Variants in ZBTB5 observed in about 807,000 individuals in gnomAD.
ZBTB5 encodes the protein zinc finger and BTB domain-containing protein 5.
In ZBTB5, 15 loss-of-function variants were observed where a neutral mutation model predicts 37.9. The observed-to-expected ratio is 0.40, with a 90% CI of 0.26 to 0.61. ZBTB5 has a LOEUF of 0.61. Among genes scored for constraint, ZBTB5 ranks in the 20% least tolerant of loss-of-function variants. The probability of loss-of-function intolerance (pLI) is 0.47; values close to 1 mark genes in which losing one functional copy is unlikely to be tolerated. For synonymous variants in ZBTB5, 315 were observed against 312.4 expected, an observed-to-expected ratio of 1.01 and a Z score of -0.09; for missense variants, 708 against 856.8, an observed-to-expected ratio of 0.83 and a Z score of 2.17.
At position 37,442,216 on chromosome 9, in the gene ZBTB5, A is replaced by C. The variant is rs1220818317; in HGVS notation, c.336T>G (p.Val112=). ...AASHLHLNSV[V]KACKHYLTTR... ...TCGTTAAGTAATGTTTACATGCCTT[A>C]ACAACAGAGTTCAAATGCAGGTGAG... Residue 112 remains valine, a synonymous_variant, in exon 2 of 2, where the codon GTT becomes GTG. Transcript: ENST00000307750. The C allele has an allele frequency of 1.2e-6, 2 of 1,614,260 alleles. No individual in the cohort carries two copies. The highest frequency in any genetic ancestry group is 3.3e-5 in the Admixed American group (2 of 60,034).
chr9:37,465,061 G>A (rs1382467164), intron 1 of ZBTB5, among the ~76,000 whole-genome samples, 154 bp downstream of exon 1: 1 of 152,180 alleles, frequency 6.6e-6, no homozygotes, highest in Non-Finnish European at 1.5e-5. Flanking sequence ...GGCTCCAACG[G>A]TAACAATGCT....
Position 37,438,570 on chromosome 9 carries a change from A to T in ZBTB5, c.*1948T>A, listed in dbSNP as rs1439688008. 1 of 151,998 alleles carries T rather than the reference A, an allele frequency of 6.6e-6. No homozygotes were observed. The highest frequency in any genetic ancestry group is 2.4e-5 in the African/African-American group (1 of 41,366). 9.4% of individuals were successfully genotyped at this position (151,998 alleles called of 1,614,324 possible). ...GGTAAGCGGGCAGGCTCCTGGCACCACCTCCTCCAAATGGAAGGGAAGGAG... is the reference window on the plus strand; with the variant it reads ...GGTAAGCGGGCAGGCTCCTGGCACCTCCTCCTCCAAATGGAAGGGAAGGAG... On this transcript the variant is annotated 3_prime_UTR_variant, in exon 2 of 2. Transcript: ENST00000307750.
intron 1 of ZBTB5, among the ~76,000 whole-genome samples, chr9:37,453,084 T>C (rs945015951): frequency 2.0e-5 from 3 of 152,210 alleles, no homozygotes; most frequent in Non-Finnish European, 4.4e-5. Flanking sequence ...TTACATCATA[T>C]AGGTTGCACT....
chr9:37,445,789 C>A (rs1016307342), intron 1 of ZBTB5, among the ~76,000 whole-genome samples: 6 of 152,028 alleles, frequency 3.9e-5, no homozygotes, highest in African/African-American at 1.4e-4. Flanking sequence ...GTTTTTGTTT[C>A]TTTTTACCTA....
In ZBTB5 at chr9:37,441,042, T is replaced by TC; in HGVS notation, c.1509dup (p.Met504AspfsTer28). 1 of 1,614,120 alleles carries TC rather than the reference T, an allele frequency of 6.2e-7. No individual in the cohort carries two copies. Among genetic ancestry groups the TC allele is most frequent in the Non-Finnish European group, 8.5e-7 (1 of 1,180,012 alleles). On this transcript the variant is annotated frameshift_variant, in exon 2 of 2. Transcript: ENST00000307750. LOFTEE classifies it high-confidence loss of function. ...CCCAAACCAGACCTGGAAAAGTCCA[T>TC]CCCAAACTGTTCTCCTCCTTGGTAG...
At chr9:37,459,390 G>A (rs1417404569) in intron 1 of ZBTB5, among the ~76,000 whole-genome samples, 1 of 151,798 alleles carries the variant, frequency 6.6e-6, no homozygotes, top group Admixed American at 6.6e-5. Flanking sequence ...AACCTGGGAG[G>A]CAGAGGTTGC....
chr9:37,446,700 C>A (rs964604554), intron 1 of ZBTB5, among the ~76,000 whole-genome samples: 2 of 152,204 alleles, frequency 1.3e-5, no homozygotes, highest in Non-Finnish European at 2.9e-5. Flanking sequence ...ACACACATCC[C>A]GGGTCCCCAC....
intron 1 of ZBTB5, among the ~76,000 whole-genome samples, chr9:37,449,958 T>A (rs967002090): frequency 2.6e-5 from 4 of 151,946 alleles, no homozygotes; most frequent in Non-Finnish European, 5.9e-5. Context: ...CAGCAGACAA[T>A]GGGGCAGGCC....
At chr9:37,447,797 C>A (rs1209065698) in intron 1 of ZBTB5, among the ~76,000 whole-genome samples, 1 of 150,614 alleles carries the variant, frequency 6.6e-6, no homozygotes, top group East Asian at 1.9e-4. Context: ...TAATATTCTG[C>A]TCAATGCTTC....
At chr9:37,458,435 G>A (rs1200187194) in intron 1 of ZBTB5, among the ~76,000 whole-genome samples, 1 of 152,180 alleles carries the variant, frequency 6.6e-6, no homozygotes, top group Admixed American at 6.5e-5. Flanking sequence ...TTTCTCATGG[G>A]ACACTATTTT....
rs1397206738 is a variant in ZBTB5 at position 37,441,178 on chromosome 9, G to A, written c.1374C>T (p.Pro458=). The part of the protein sequence containing the change: ...LSPEAGPAGG[P]SSAPGSHVEN... ...CTACATGGGAGCCAGGGGCAGAGGA[G>A]GGCCCACCTGCAGGCCCAGCCTCTG... The change falls in exon 2 of 2, where the codon CCC becomes CCT. Residue 458 remains proline (P), a synonymous_variant. Transcript: ENST00000307750. 1 of 1,614,016 alleles carries A rather than the reference G, an allele frequency of 6.2e-7. No individual in the cohort carries two copies. The highest frequency in any genetic ancestry group is 2.2e-5 in the East Asian group (1 of 44,874).
chr9:37,440,215 C>A lies in ZBTB5; in HGVS notation c.*303G>T. 1 of 332,666 alleles carries A rather than the reference C, an allele frequency of 3.0e-6. No individual in the cohort carries two copies. Among genetic ancestry groups the A allele is most frequent in the Non-Finnish European group, 5.5e-6 (1 of 180,746 alleles). The allele number at this position is 332,666 out of a possible 1,614,324, so 20.6% of individuals were successfully genotyped here. On this transcript the variant is annotated 3_prime_UTR_variant, in exon 2 of 2. Transcript: ENST00000307750. ...AAAAATTGCTAAAAAATTTTTTTTG[C>A]ACTTCAATTTTTAAATTTTTAAATG... is the stretch of plus-strand genomic sequence containing the variant.
intron 1 of ZBTB5, among the ~76,000 whole-genome samples, chr9:37,458,053 G>A (rs1824224741): frequency 6.6e-6 from 1 of 152,178 alleles, no homozygotes; most frequent in Non-Finnish European, 1.5e-5. Flanking sequence ...GTCATTGGTT[G>A]CAGCAACAAA....
At chr9:37,458,338 C>G (rs1216061107) in intron 1 of ZBTB5, among the ~76,000 whole-genome samples, 1 of 152,176 alleles carries the variant, frequency 6.6e-6, no homozygotes, top group East Asian at 1.9e-4. Context: ...GGGAAGTACA[C>G]CTGAAGTTTT....
chr9:37,450,194 T>C lies in ZBTB5; in HGVS notation c.-4-7639A>G, dbSNP rs1470991943. Among the ~76,000 whole-genome samples the C allele has an allele frequency of 2.0e-5, 3 of 152,300 alleles. No homozygotes were observed. In the South Asian group the frequency reaches 6.2e-4, roughly 32 times the overall value. ...AGAGAGAGCTGTTTTCCTTTCTCTTTGTTTCTTTCTTTGGCCTATTAAACC... is the reference window on the plus strand; with the variant it reads ...AGAGAGAGCTGTTTTCCTTTCTCTTCGTTTCTTTCTTTGGCCTATTAAACC... On this transcript the variant is annotated intron_variant, in intron 1 of 1. Transcript: ENST00000307750.
intron 1 of ZBTB5, among the ~76,000 whole-genome samples, chr9:37,455,804 G>A (rs1205589732): frequency 1.3e-5 from 2 of 152,034 alleles, no homozygotes; most frequent in East Asian, 3.9e-4. Context: ...AAGTCAGAGA[G>A]CAGAACAAAG....
chr9:37,442,270 G>A lies in ZBTB5; in HGVS notation c.282C>T (p.Ser94=), dbSNP rs2118933699. Residue 94 remains serine, a synonymous_variant, in exon 2 of 2, where the codon AGC becomes AGT. Coordinates refer to ENST00000307750, the MANE Select transcript of ZBTB5 (RefSeq NM_014872.3). Reference sequence around the variant, plus strand: ...CTGCCAATAAGACATCCATTACATTGCTCTCCCCCAGCATGAGGGTGGAGG... The same window carrying A: ...CTGCCAATAAGACATCCATTACATTACTCTCCCCCAGCATGAGGGTGGAGG... The part of the protein sequence containing the change: ...MYTSTLMLGE[S]NVMDVLLAAS... 6.2e-7 allele frequency: 1 copy of A among 1,614,196 alleles called. No individual in the cohort carries two copies. Among genetic ancestry groups the A allele is most frequent in the Non-Finnish European group, 8.5e-7 (1 of 1,180,026 alleles).
chr9:37,445,797 C>T (rs1253967633), intron 1 of ZBTB5, among the ~76,000 whole-genome samples: 3 of 151,988 alleles, frequency 2.0e-5, no homozygotes, highest in Non-Finnish European at 2.9e-5. Context: ...TTCTTTTTAC[C>T]TATAAGCCTT....
At chr9:37,443,934 T>C (rs559970963) in intron 1 of ZBTB5, among the ~76,000 whole-genome samples, 9 of 148,836 alleles carry the variant, frequency 6.0e-5, no homozygotes, top group Non-Finnish European at 1.2e-4. Context: ...CAAAAAAAAA[T>C]TAGCCGAGCA....
Sources: gnomAD v4.1 joint callset for allele counts (sites outside exome capture counted in the v4.1 genomes callset) on GRCh38, gnomAD v4.1.1 for gene constraint, MANE v1.5 for transcripts, NCBI Gene and HGNC (gene_info 2026-07-23, HGNC 2026-07-21) for gene names.